The following STXBP5 variants were observed in gnomAD, a reference collection of about 807,000 sequenced individuals.
STXBP5 encodes the protein syntaxin binding protein 5.
Under a neutral mutation model 152.4 loss-of-function variants are expected in STXBP5, and 50 were observed. The observed-to-expected ratio is 0.33, with a 90% CI of 0.26 to 0.42. The LOEUF (loss-of-function observed/expected upper bound fraction) is 0.42. Among genes scored for constraint, STXBP5 ranks in the 10% least tolerant of loss-of-function variants. STXBP5 has a pLI of 1.00. For synonymous variants in STXBP5, 492 were observed against 494.7 expected (o/e 0.99, Z 0.07); for missense variants, 1,167 against 1,388.6 (o/e 0.84, Z 2.54).
chr6:147,239,334 T>G, intron 4 of STXBP5, 64 bp downstream of exon 4: 1 of 1,460,914 alleles, frequency 6.8e-7, no homozygotes, highest in Non-Finnish European at 9.5e-7. Flanking sequence ...TGAATTTCAG[T>G]CTTTGATTTT....
At chr6:147,353,808 C>T (rs1341717558) in intron 22 of STXBP5, among the ~76,000 whole-genome samples, 1 of 152,022 alleles carries the variant, frequency 6.6e-6, no homozygotes. Flanking sequence ...CAAGAATCAT[C>T]GTTACTAACT....
At chr6:147,266,405 T>C (rs1282907315) in intron 6 of STXBP5, among the ~76,000 whole-genome samples, 1 of 152,064 alleles carries the variant, frequency 6.6e-6, no homozygotes, top group Non-Finnish European at 1.5e-5. Context: ...CTTTGTGTCT[T>C]GAACCAGGGA....
At chr6:147,329,048 C>A (rs927285940) in intron 18 of STXBP5, among the ~76,000 whole-genome samples, 6 of 151,748 alleles carry the variant, frequency 4.0e-5, no homozygotes, top group African/African-American at 1.4e-4. Flanking sequence ...GAAGATAAAA[C>A]CTTTAGTTTA....
At chr6:147,315,465 G>A (rs779348519) in intron 14 of STXBP5, 50 bp from the exon 15 acceptor site, 1 of 1,276,688 alleles carries the variant, frequency 7.8e-7, no homozygotes, top group Non-Finnish European at 1.1e-6. Context: ...GTTACCTTAT[G>A]TTTGATCATT....
chr6:147,247,875 C>G (rs929564479), intron 4 of STXBP5, among the ~76,000 whole-genome samples: 2 of 151,788 alleles, frequency 1.3e-5, no homozygotes, highest in Admixed American at 1.3e-4. Context: ...TGTTCTAGTT[C>G]CAAAAGGGCC....
chr6:147,225,091 A>G (rs1777644395), intron 2 of STXBP5, among the ~76,000 whole-genome samples: 1 of 152,198 alleles, frequency 6.6e-6, no homozygotes, highest in African/African-American at 2.4e-5. Context: ...AAGAAATGGT[A>G]AGAGAGGTTA....
chr6:147,384,669 T>G, intron 27 of STXBP5, 45 bp from the exon 28 acceptor site: 1 of 1,565,430 alleles, frequency 6.4e-7, no homozygotes, highest in Non-Finnish European at 8.8e-7. Context: ...AATGTTATTG[T>G]TCCGGCATTT....
rs373534779 is a variant in STXBP5, at chr6:147,330,117, G to A, written c.2080+2841G>A. 6.6e-5 allele frequency among the ~76,000 whole-genome samples: 10 copies of A among 152,000 alleles called. 1 individual carries two copies. The highest frequency in any genetic ancestry group is 3.9e-4 in the East Asian group (2 of 5,178). The stretch of plus-strand genomic sequence containing the variant: ...TGAGTAAAATATAGGCTGTGTTTTC[G>A]TAATAAAAATTCTAGAACTGTCACA... On this transcript the variant is annotated intron_variant, in intron 18 of 27. Coordinates refer to ENST00000321680, the MANE Select transcript of STXBP5 (RefSeq NM_001127715.4).
Position 147,310,113 on chromosome 6 carries a change from T to C in STXBP5, c.947T>C (p.Leu316Ser). 1 of 1,564,596 alleles carries C rather than the reference T, an allele frequency of 6.4e-7. No individual in the cohort carries two copies. The highest frequency in any genetic ancestry group is 2.3e-5 in the East Asian group (1 of 42,876). ...GEPFIILSGG[L>S]SYDTVGRRPC... ...CCTTTTATTATTTTATCAGGAGGTT[T>C]GTCATATGATACTGTAGGAAGAAGA... The change falls in exon 10 of 28, where the codon TTG becomes TCG. Residue 316 changes from leucine to serine, a missense_variant. Around this residue, in one of 3 missense-constraint regions of STXBP5, gnomAD observed 24 missense variants for 56.2 expected, o/e 0.43. Transcript: ENST00000321680.
intron 7 of STXBP5, among the ~76,000 whole-genome samples, chr6:147,272,370 T>C (rs910253484): frequency 6.6e-6 from 1 of 152,218 alleles, no homozygotes; most frequent in African/African-American, 2.4e-5. Flanking sequence ...CACGTTAATA[T>C]TCAAAATGAA....
intron 2 of STXBP5, among the ~76,000 whole-genome samples, chr6:147,207,626 C>A (rs1776639410): frequency 6.6e-6 from 1 of 152,102 alleles, no homozygotes; most frequent in Non-Finnish European, 1.5e-5. Context: ...AGTGACGAGA[C>A]TAGTACAGCG....
Position 147,315,777 on chromosome 6 carries a change from TC to T in STXBP5, c.1623+44del, listed in dbSNP as rs1418689012. 3.2e-6 allele frequency: 5 copies of T among 1,563,942 alleles called. No individual in the cohort carries two copies. The South Asian group carries it at 5.7e-5, about 18-fold the overall frequency. On this transcript the variant is annotated intron_variant, in intron 15 of 27. Transcript: ENST00000321680. ...TATTTTCATGGTCAAGTTATTTTCA[TC>T]CACATTTTTAAATTTGTGGATGATT...
At chr6:147,300,955 CAA>C (rs935699736) in intron 9 of STXBP5, among the ~76,000 whole-genome samples, 2 of 137,622 alleles carry the variant, frequency 1.5e-5, no homozygotes, top group African/African-American at 2.6e-5. Context: ...GTTCAATAGC[CAA>C]AAAAAAAAAA....
chr6:147,228,813 C>A (rs1777857747), intron 2 of STXBP5, among the ~76,000 whole-genome samples: 1 of 152,018 alleles, frequency 6.6e-6, no homozygotes, highest in African/African-American at 2.4e-5. Flanking sequence ...GAGCAATTTT[C>A]ATCAACATAT....
At chr6:147,292,402 T>G (rs1674277909) in intron 9 of STXBP5, 1 of 309,740 alleles carries the variant, frequency 3.2e-6, no homozygotes, top group South Asian at 2.6e-5. Flanking sequence ...TGGTTCATTT[T>G]CCTCACTTAT....
chr6:147,215,650 T>G (rs1203788566), intron 2 of STXBP5, among the ~76,000 whole-genome samples: 1 of 152,166 alleles, frequency 6.6e-6, no homozygotes, highest in Non-Finnish European at 1.5e-5. Context: ...CTAGAGTACT[T>G]GCATTATAGG....
intron 2 of STXBP5, among the ~76,000 whole-genome samples, chr6:147,218,433 T>C (rs1777289994): frequency 6.6e-6 from 1 of 152,178 alleles, no homozygotes; most frequent in Non-Finnish European, 1.5e-5. Flanking sequence ...TATTTCAAAT[T>C]CCACTGGTTC....
chr6:147,278,077 A>T lies in STXBP5; in HGVS notation c.715-4A>T. The T allele has an allele frequency of 6.2e-7, 1 of 1,610,402 alleles. No homozygotes were observed. Among genetic ancestry groups the T allele is most frequent in the South Asian group, 1.1e-5 (1 of 90,766 alleles). On this transcript the variant is annotated splice_polypyrimidine_tract_variant and splice_region_variant and intron_variant, in intron 7 of 27. Transcript: ENST00000321680. ...TTTAAATGGTATTTTTCATCCTTCT[A>T]TAGGCTATCCACTCTGTTGCTTGGC...
At chr6:147,286,869 A>G (rs563985832) in intron 8 of STXBP5, among the ~76,000 whole-genome samples, 4 of 152,206 alleles carry the variant, frequency 2.6e-5, no homozygotes, top group Admixed American at 6.5e-5. Flanking sequence ...AGCTATGTCA[A>G]AAATCTTACA....
Sources: allele counts gnomAD v4.1 joint callset (sites outside exome capture counted in the v4.1 genomes callset), GRCh38; gene constraint gnomAD v4.1.1; regional missense constraint gnomAD v4.1.1; transcripts MANE v1.5; gene names NCBI Gene and HGNC (gene_info 2026-07-23, HGNC 2026-07-21).